The following PCDH15 variants were observed in gnomAD, a reference collection of about 807,000 sequenced individuals.
PCDH15 encodes the protein protocadherin-15.
Under a neutral mutation model 178.5 loss-of-function variants are expected in PCDH15, and 129 were observed. The observed-to-expected ratio is 0.72, with a 90% CI of 0.63 to 0.84. The LOEUF is 0.84. PCDH15 is among the 40% of genes least tolerant of loss of function. The pLI, the probability that PCDH15 is intolerant of heterozygous loss-of-function variation, is 0.00. For synonymous variants in PCDH15, 800 were observed against 732.0 expected (o/e 1.09, Z -1.50); for missense variants, 2,230 against 2,099.9 (o/e 1.06, Z -1.21).
intron 9 of PCDH15, among the ~76,000 whole-genome samples, chr10:54,226,223 C>A (rs6481073): frequency 0.055 from 8,314 of 152,218 alleles, 561 homozygotes; most frequent in African/African-American, 0.17. Context: ...AGGAAAAGCA[C>A]GTCACTTCTT....
intron 8 of PCDH15, among the ~76,000 whole-genome samples, chr10:54,288,007 T>TTGATGA (rs1030421935): frequency 1.1e-4 from 16 of 151,972 alleles, no homozygotes; most frequent in African/African-American, 3.9e-4. Flanking sequence ...TTTGGAATAG[T>TTGATGA]TGATGATGAT....
chr10:54,756,014 G>C (rs1165826288), intron 1 of PCDH15, among the ~76,000 whole-genome samples: 3 of 150,246 alleles, frequency 2.0e-5, no homozygotes, highest in Non-Finnish European at 4.4e-5. Context: ...AGGAGTTCAA[G>C]ACCAGCCTGA....
intron 9 of PCDH15, among the ~76,000 whole-genome samples, chr10:54,229,509 A>T (rs1282027170): frequency 6.6e-6 from 1 of 152,104 alleles, no homozygotes; most frequent in Non-Finnish European, 1.5e-5. Flanking sequence ...TTGAATTGTA[A>T]CTCCCACAGT....
upstream of PCDH15, among the ~76,000 whole-genome samples, chr10:55,322,672 T>G (rs1345654976): frequency 6.6e-6 from 1 of 151,968 alleles, no homozygotes; most frequent in East Asian, 1.9e-4. Context: ...GCCCCTACCC[T>G]AGAGATCTGT....
At chr10:54,266,943 C>T (rs142063727) in intron 8 of PCDH15, among the ~76,000 whole-genome samples, 1 of 151,958 alleles carries the variant, frequency 6.6e-6, no homozygotes, top group Non-Finnish European at 1.5e-5. Flanking sequence ...AAACCTATAT[C>T]ATCCTGATAC....
chr10:55,078,116 A>G (rs1841954905), intron 2 of PCDH15, among the ~76,000 whole-genome samples: 1 of 151,924 alleles, frequency 6.6e-6, no homozygotes, highest in Admixed American at 6.6e-5. Flanking sequence ...GAATTTTTTT[A>G]TTTCAGCACT....
At chr10:54,962,401 A>T (rs1212691757) in intron 2 of PCDH15, among the ~76,000 whole-genome samples, 1 of 151,932 alleles carries the variant, frequency 6.6e-6, no homozygotes, top group African/African-American at 2.4e-5. Context: ...ATGGGCTGAA[A>T]CATATCTCCC....
At chr10:55,311,020 T>TA (rs1162332517) in intron 1 of PCDH15, among the ~76,000 whole-genome samples, 5 of 152,100 alleles carry the variant, frequency 3.3e-5, no homozygotes, top group East Asian at 1.9e-4. Context: ...ATAATAATTT[T>TA]AAAAAAATGA....
chr10:53,817,215 G>C (rs551054188), intron 34 of PCDH15, among the ~76,000 whole-genome samples: 3 of 152,074 alleles, frequency 2.0e-5, no homozygotes, highest in Non-Finnish European at 4.4e-5. Context: ...CAATTAGGTC[G>C]TATACTTCTC....
intron 2 of PCDH15, among the ~76,000 whole-genome samples, chr10:55,054,435 C>A (rs1841242836): frequency 1.3e-5 from 2 of 152,070 alleles, no homozygotes; most frequent in Admixed American, 6.6e-5. Flanking sequence ...TGTTGATGGG[C>A]ATTTAGTTTG....
intron 2 of PCDH15, among the ~76,000 whole-genome samples, chr10:54,999,191 A>G (rs1053879015): frequency 6.6e-6 from 1 of 152,152 alleles, no homozygotes; most frequent in African/African-American, 2.4e-5. Context: ...ACCTTTGTCA[A>G]GCCTCCCAAA....
chr10:54,847,895 C>A (rs890566667), intron 3 of PCDH15, among the ~76,000 whole-genome samples: 18 of 152,148 alleles, frequency 1.2e-4, no homozygotes, highest in African/African-American at 4.3e-4. Flanking sequence ...AGGCACAGGA[C>A]TTGAATATAC....
At chr10:54,020,094 G>T in intron 20 of PCDH15, 98 bp downstream of exon 20, 1 of 1,022,954 alleles carries the variant, frequency 9.8e-7, no homozygotes, top group Non-Finnish European at 1.5e-6. Context: ...GTGTCATTAG[G>T]AATTGTTATC....
At chr10:54,836,625 A>C (rs1379383120) in intron 3 of PCDH15, among the ~76,000 whole-genome samples, 1 of 152,146 alleles carries the variant, frequency 6.6e-6, no homozygotes, top group Non-Finnish European at 1.5e-5. Context: ...TTCACAAAAA[A>C]TTAGCTGAGA....
At chr10:55,165,125 T>C (rs1839162947) in intron 2 of PCDH15, among the ~76,000 whole-genome samples, 1 of 152,104 alleles carries the variant, frequency 6.6e-6, no homozygotes, top group Non-Finnish European at 1.5e-5. Flanking sequence ...GAACTCTAAA[T>C]AGCAAGAATC....
chr10:55,020,365 T>C (rs774079601), intron 2 of PCDH15, among the ~76,000 whole-genome samples: 1 of 150,318 alleles, frequency 6.7e-6, no homozygotes, highest in African/African-American at 2.5e-5. Flanking sequence ...GATGGATAAA[T>C]ATAAAGTAAT....
chr10:54,488,149 A>C (rs1327640770), intron 3 of PCDH15, among the ~76,000 whole-genome samples: 1 of 151,896 alleles, frequency 6.6e-6, no homozygotes, highest in African/African-American at 2.4e-5. Context: ...ATACTGTTTT[A>C]CTATTGAGCT....
At chr10:54,362,679 G>T (rs546774506) in intron 5 of PCDH15, among the ~76,000 whole-genome samples, 2 of 152,118 alleles carry the variant, frequency 1.3e-5, no homozygotes, top group East Asian at 1.9e-4. Flanking sequence ...TCAACGAAAA[G>T]AAAAGGTACA....
At chr10:54,516,945 A>C (rs2082293744) in intron 3 of PCDH15, among the ~76,000 whole-genome samples, 1 of 152,022 alleles carries the variant, frequency 6.6e-6, no homozygotes, top group Non-Finnish European at 1.5e-5. Context: ...CCAGAATTTC[A>C]TATCCAGCCA....
Sources: allele counts gnomAD v4.1 joint callset (sites outside exome capture counted in the v4.1 genomes callset), GRCh38; gene constraint gnomAD v4.1.1; transcripts MANE v1.5; gene names NCBI Gene and HGNC (gene_info 2026-07-23, HGNC 2026-07-21).